Variants in EML4 observed in about 807,000 individuals in gnomAD.
EML4 encodes the protein echinoderm microtubule-associated protein-like 4.
EML4 carries 72 observed loss-of-function variants against 129.0 expected under a neutral mutation model. The observed-to-expected ratio is 0.56, with a 90% CI of 0.46 to 0.68. The LOEUF is 0.68. Ranked by LOEUF, EML4 falls within the 30% of genes least tolerant of loss-of-function variation. The probability of loss-of-function intolerance (pLI) is 0.00; values close to 1 mark genes in which losing one functional copy is unlikely to be tolerated. For missense variants in EML4, 1,363 were observed against 1,190.6 expected (o/e 1.14, Z -2.13); for synonymous variants, 532 against 405.0 (o/e 1.31, Z -3.77).
At position 42,169,492 on chromosome 2, in the gene EML4, G is replaced by A; in HGVS notation, c.-120G>A. 8.1e-7 allele frequency: 1 copy of A among 1,227,724 alleles called. No individual in the cohort carries two copies. The highest frequency in any genetic ancestry group is 1.5e-5 in the South Asian group (1 of 68,584). The allele number at this position is 1,227,724 out of a possible 1,614,324, so 76.1% of individuals were successfully genotyped here. A position where few individuals can be genotyped will look rare whatever the true frequency, so the allele number is the denominator to read the frequency against. On this transcript the variant is annotated 5_prime_UTR_variant, in exon 1 of 23. Coordinates refer to ENST00000318522, the MANE Select transcript of EML4 (RefSeq NM_019063.5). ...CGGACGGACGACGGAGGCGGGAGCC[G>A]GTAGCCGAGCCGGGCGACCTAGAGA... is the stretch of plus-strand genomic sequence containing the variant.
chr2:42,264,103 G>GTTTTTTTTTTTTTTTTTTTTTTTTT lies in EML4; in HGVS notation c.642-601_642-577dup, dbSNP rs9309080. The stretch of plus-strand genomic sequence containing the variant: ...AAGGCTCCCAACTCAAACAATACGT[G>GTTTTTTTTTTTTTTTTTTTTTTTTT]TTTTTTTTTTTTTTTTTTTTTTTTT... On this transcript the variant is annotated intron_variant, in intron 5 of 22. Transcript: ENST00000318522. 4.0e-5 allele frequency among the ~76,000 whole-genome samples: 4 copies of GTTTTTTTTTTTTTTTTTTTTTTTTT among 100,748 alleles called. 2 individuals are homozygous for GTTTTTTTTTTTTTTTTTTTTTTTTT. The highest frequency in any genetic ancestry group is 3.9e-5 in the Non-Finnish European group (2 of 51,220). 66.1% of individuals were successfully genotyped at this position (100,748 alleles called of 152,430 possible).
intron 6 of EML4, among the ~76,000 whole-genome samples, chr2:42,272,742 C>G (rs983623099): frequency 2.6e-5 from 4 of 152,080 alleles, no homozygotes; most frequent in Non-Finnish European, 5.9e-5. Context: ...AAGACTTTAA[C>G]CACAATAAAT....
intron 6 of EML4, among the ~76,000 whole-genome samples, chr2:42,267,697 C>T (rs1384145360): frequency 2.0e-5 from 3 of 152,082 alleles, no homozygotes; most frequent in African/African-American, 4.8e-5. Context: ...ATGAGATGTA[C>T]GCAGGGCAAT....
At chr2:42,285,204 G>A (rs930512387) in intron 9 of EML4, among the ~76,000 whole-genome samples, 1 of 152,106 alleles carries the variant, frequency 6.6e-6, no homozygotes, top group Non-Finnish European at 1.5e-5. Flanking sequence ...GTGCCACCAT[G>A]CCCGGCTAAC....
intron 6 of EML4, among the ~76,000 whole-genome samples, chr2:42,278,590 A>G (rs972441944): frequency 1.4e-5 from 2 of 148,070 alleles, no homozygotes; most frequent in African/African-American, 4.9e-5. Context: ...AAAAAAAAAA[A>G]AAAAAAAAAA....
chr2:42,242,043 G>T (rs975146391), intron 1 of EML4, among the ~76,000 whole-genome samples: 1 of 152,090 alleles, frequency 6.6e-6, no homozygotes, highest in Non-Finnish European at 1.5e-5. Flanking sequence ...CACTATCCAA[G>T]TTTCACACAA....
intron 1 of EML4, among the ~76,000 whole-genome samples, chr2:42,178,285 A>G (rs550358450): frequency 1.3e-5 from 2 of 152,154 alleles, no homozygotes; most frequent in East Asian, 3.9e-4. Context: ...GCTCACACCT[A>G]TAATCCTAGC....
intron 1 of EML4, among the ~76,000 whole-genome samples, chr2:42,204,443 A>G (rs925063361): frequency 6.6e-6 from 1 of 152,168 alleles, no homozygotes; most frequent in Admixed American, 6.5e-5. Flanking sequence ...TGGGCCACAC[A>G]TCTCCAGTGG....
In EML4 at chr2:42,245,520, C is replaced by G. The variant is rs1312836517; in HGVS notation, c.41C>G (p.Ala14Gly). ...FAGSLDDSIS[A>G]ASTSDVQDRL... ...TATTTTATAGATGATAGTATTTCTG[C>G]TGCAAGTACTTCTGATGTTCAAGAT... The change falls in exon 2 of 23, where the codon GCT becomes GGT. Residue 14 changes from alanine to glycine, a missense_variant. Ala to Gly is a moderately conservative substitution (Grantham distance 60). Coordinates refer to ENST00000318522, the MANE Select transcript of EML4 (RefSeq NM_019063.5). The G allele has an allele frequency of 6.2e-7, 1 of 1,611,966 alleles. No individual in the cohort carries two copies. Among genetic ancestry groups the G allele is most frequent in the Admixed American group, 1.7e-5 (1 of 59,928 alleles).
chr2:42,191,423 C>T (rs1671574127), intron 1 of EML4, among the ~76,000 whole-genome samples: 1 of 152,134 alleles, frequency 6.6e-6, no homozygotes, highest in South Asian at 2.1e-4. Context: ...AATTCTAAGG[C>T]AGGACTTTGG....
intron 17 of EML4, among the ~76,000 whole-genome samples, chr2:42,305,682 T>G (rs376390668): frequency 1.6e-4 from 25 of 152,348 alleles, no homozygotes; most frequent in African/African-American, 6.0e-4. Flanking sequence ...TAGTAAGTAG[T>G]CCTTCTCACA....
At chr2:42,302,260 G>A (rs1222037100) in intron 14 of EML4, among the ~76,000 whole-genome samples, 1 of 152,030 alleles carries the variant, frequency 6.6e-6, no homozygotes, top group Non-Finnish European at 1.5e-5. Context: ...ACAATCTGAT[G>A]TTTTGATGCA....
chr2:42,317,604 T>C, intron 19 of EML4, 80 bp downstream of exon 19: 1 of 926,470 alleles, frequency 1.1e-6, no homozygotes, highest in Non-Finnish European at 1.7e-6. Flanking sequence ...CATCGATGTG[T>C]GTGTTGTTTC....
At chr2:42,256,739 C>T in intron 3 of EML4, 109 bp downstream of exon 3, 9 of 1,343,636 alleles carry the variant, frequency 6.7e-6, no homozygotes, top group Non-Finnish European at 9.3e-6. Flanking sequence ...TTCAAGTGAG[C>T]ATGTCCTTTG....
chr2:42,269,058 G>A (rs1666224201), intron 6 of EML4, among the ~76,000 whole-genome samples: 1 of 152,114 alleles, frequency 6.6e-6, no homozygotes, highest in Non-Finnish European at 1.5e-5. Flanking sequence ...TACCATTTCA[G>A]TACAGTGATA....
intron 17 of EML4, among the ~76,000 whole-genome samples, chr2:42,310,945 T>C (rs572551655): frequency 3.7e-4 from 57 of 152,240 alleles, no homozygotes; most frequent in Non-Finnish European, 7.5e-4. Flanking sequence ...GGAAGTTGTA[T>C]ATCTTTAATA....
chr2:42,272,077 CA>C (rs35948547), intron 6 of EML4, among the ~76,000 whole-genome samples: 54,006 of 101,156 alleles, frequency 0.53, 10,000 homozygotes, highest in East Asian at 0.66. Flanking sequence ...CACTCCATCT[CA>C]AAAAAAAAAA....
chr2:42,279,570 G>A (rs1666888405), intron 6 of EML4, among the ~76,000 whole-genome samples: 1 of 151,674 alleles, frequency 6.6e-6, no homozygotes, highest in Non-Finnish European at 1.5e-5. Flanking sequence ...CCATTCTCCT[G>A]CCTCAGCCTC....
intron 1 of EML4, among the ~76,000 whole-genome samples, chr2:42,204,718 A>G (rs1672436802): frequency 6.6e-6 from 1 of 152,192 alleles, no homozygotes; most frequent in African/African-American, 2.4e-5. Flanking sequence ...CAACTACTGA[A>G]TGGCTTGCTG....
Sources: gnomAD v4.1 joint callset for allele counts (sites outside exome capture counted in the v4.1 genomes callset) on GRCh38, gnomAD v4.1.1 for gene constraint, MANE v1.5 for transcripts, NCBI Gene and HGNC (gene_info 2026-07-23, HGNC 2026-07-21) for gene names.